Variants in SLC3A2 observed in about 807,000 individuals in gnomAD.
SLC3A2 encodes amino acid transporter heavy chain SLC3A2.
Under a neutral mutation model 48.5 loss-of-function variants are expected in SLC3A2, and 32 were observed. The ratio of observed to expected loss-of-function variants is 0.66; its 90% CI spans 0.50 to 0.89. The LOEUF (loss-of-function observed/expected upper bound fraction) is 0.89. Among genes scored for constraint, SLC3A2 ranks in the 40% least tolerant of loss-of-function variants. SLC3A2 has a pLI of 0.00. For synonymous variants in SLC3A2, 277 were observed against 288.8 expected, an observed-to-expected ratio of 0.96 and a Z score of 0.41; for missense variants, 587 against 680.7, an observed-to-expected ratio of 0.86 and a Z score of 1.53.
At position 62,884,585 on chromosome 11, in the gene SLC3A2, A is replaced by T. The variant is rs142020500; in HGVS notation, c.760-47A>T. 6 of 1,613,190 alleles carry T rather than the reference A, an allele frequency of 3.7e-6. No homozygotes were observed. In the African/African-American group the frequency reaches 6.7e-5, roughly 18 times the overall value. ...GGCGAGAACAGAGGGACTCAGCTAG[A>T]GCCTCATAATATTCTCTGGTCCTTG... is the stretch of plus-strand genomic sequence containing the variant. On this transcript the variant is annotated intron_variant, in intron 4 of 8. Transcript: ENST00000338663.
intron 1 of SLC3A2, chr11:62,870,723 TTA>T: frequency 6.2e-6 from 1 of 160,692 alleles, no homozygotes; most frequent in South Asian, 1.5e-4. Flanking sequence ...ATTATTATTA[TTA>T]TTTTTTTTTT....
chr11:62,885,113 G>T, intron 5 of SLC3A2, 64 bp from the exon 6 acceptor site: 4 of 1,564,390 alleles, frequency 2.6e-6, no homozygotes, highest in Non-Finnish European at 2.6e-6. Flanking sequence ...TTACAGGCGT[G>T]AGCCACTGCG....
At chr11:62,876,954 A>G (rs1042647551), upstream of SLC3A2, 2 of 990,330 alleles carry the variant, frequency 2.0e-6, no homozygotes, top group South Asian at 4.4e-5. Context: ...TCCTGCAGCA[A>G]CAGGTTTATC....
chr11:62,856,193 C>T (rs1031477124), exon 1 of SLC3A2: 11 of 1,161,266 alleles, frequency 9.5e-6, no homozygotes, highest in African/African-American at 1.5e-5. Flanking sequence ...CTGACGGTCA[C>T]GACTGCCTAC....
At chr11:62,864,527 CGCGATCTCG>C (rs1248097075) in intron 1 of SLC3A2, among the ~76,000 whole-genome samples, 1 of 148,296 alleles carries the variant, frequency 6.7e-6, no homozygotes, top group African/African-American at 2.5e-5. Context: ...AGTGCAGTGG[CGCGATCTCG>C]GCTCACTGCA....
At chr11:62,879,817 C>T (rs1317504468), upstream of SLC3A2, among the ~76,000 whole-genome samples, 1 of 152,228 alleles carries the variant, frequency 6.6e-6, no homozygotes, top group Non-Finnish European at 1.5e-5. Flanking sequence ...GTGTTGATGT[C>T]CGGTAGTTCC....
upstream of SLC3A2, among the ~76,000 whole-genome samples, chr11:62,877,233 G>A (rs567803291): frequency 1.9e-4 from 29 of 151,830 alleles, no homozygotes; most frequent in Non-Finnish European, 4.0e-4. Flanking sequence ...GCTAATTTTT[G>A]TATTTTTAGT....
At position 62,885,321 on chromosome 11, in the gene SLC3A2, T is replaced by G. The variant is rs1387907872; in HGVS notation, c.963T>G (p.Tyr321Ter). 1 of 1,614,242 alleles carries G rather than the reference T, an allele frequency of 6.2e-7. No homozygotes were observed. Among genetic ancestry groups the G allele is most frequent in the Non-Finnish European group, 8.5e-7 (1 of 1,180,046 alleles). ...ATACAAAATCCCTAGTCACACAGTA[T>G]TTGAATGCCACTGGCAATCGCTGGT... ...GEHTKSLVTQ[Y>*]LNATGNRWCS... Residue 321 changes from tyrosine (Y) to a stop codon, truncating the protein, a stop_gained, in exon 6 of 9, where the codon TAT becomes TAG. Coordinates refer to ENST00000338663, the MANE Select transcript of SLC3A2 (RefSeq NM_001013251.3). LOFTEE classifies it high-confidence loss of function.
chr11:62,860,609 T>C (rs936436161), intron 1 of SLC3A2, among the ~76,000 whole-genome samples: 2 of 152,168 alleles, frequency 1.3e-5, no homozygotes, highest in Non-Finnish European at 2.9e-5. Context: ...CTTCCTCTTA[T>C]CTCAACTGCA....
Position 62,888,706 on chromosome 11 carries a change from A to G in SLC3A2, c.*13A>G, listed in dbSNP as rs764565542. On this transcript the variant is annotated 3_prime_UTR_variant, in exon 9 of 9. Coordinates refer to ENST00000338663, the MANE Select transcript of SLC3A2 (RefSeq NM_001013251.3). Reference sequence around the variant, plus strand: ...CTACGCGGCCTGACTTCAGCCTGACATGGACCCACTACCCTTCTCCTTTCC... The same window carrying G: ...CTACGCGGCCTGACTTCAGCCTGACGTGGACCCACTACCCTTCTCCTTTCC... 2.5e-6 allele frequency: 4 copies of G among 1,574,534 alleles called. No individual in the cohort carries two copies. Among genetic ancestry groups the G allele is most frequent in the Middle Eastern group, 1.7e-4 (1 of 5,838 alleles).
At position 62,888,217 on chromosome 11, in the gene SLC3A2, A is replaced by C. The variant is rs1449283762; in HGVS notation, c.1226A>C (p.Lys409Thr). 6.2e-7 allele frequency: 1 copy of C among 1,614,074 alleles called. No individual in the cohort carries two copies. Among genetic ancestry groups the C allele is most frequent in the Non-Finnish European group, 8.5e-7 (1 of 1,179,940 alleles). ...GCTGTAAGTGCCAACATGACTGTGA[A>C]GGTAAGAGTTCTAGATGGGTAGAAA... ...PGAVSANMTV[K>T]GQSEDPGSLL... Residue 409 changes from lysine to threonine, a missense_variant and splice_region_variant, in exon 8 of 9, where the codon AAG (lysine) becomes ACG (threonine). By Grantham distance (78) the Lys-to-Thr change is moderately conservative. Coordinates refer to ENST00000338663, the MANE Select transcript of SLC3A2 (RefSeq NM_001013251.3).
At chr11:62,856,461 C>A in intron 1 of SLC3A2, 2 of 1,249,804 alleles carry the variant, frequency 1.6e-6, no homozygotes, top group Non-Finnish European at 2.3e-6. Context: ...GACGTAAGTG[C>A]TTCACTGAAG....
At chr11:62,856,454 G>T (rs1409855065) in intron 1 of SLC3A2, 2 of 1,318,190 alleles carry the variant, frequency 1.5e-6, no homozygotes, top group African/African-American at 2.9e-5. Flanking sequence ...ATGTCAGGAC[G>T]TAAGTGCTTC....
At position 62,885,613 on chromosome 11, in the gene SLC3A2, T is replaced by G. The variant is rs200419697; in HGVS notation, c.1143+5T>G. 6.8e-6 allele frequency: 11 copies of G among 1,613,990 alleles called. No individual in the cohort carries two copies. In the East Asian group the frequency reaches 2.5e-4, roughly 36 times the overall value. ...GCAGCTGCCCTTCCTGGACAGGTAC[T>G]GCTTGCTGTCTTTCTGTCACAGGGA... On this transcript the variant is annotated splice_donor_5th_base_variant and intron_variant, in intron 7 of 8. Transcript: ENST00000338663.
chr11:62,875,325 T>G (rs1406300404), intron 1 of SLC3A2, among the ~76,000 whole-genome samples: 1 of 152,040 alleles, frequency 6.6e-6, no homozygotes, highest in Non-Finnish European at 1.5e-5. Context: ...GGCGAGTGGA[T>G]CACGAGATCA....
At chr11:62,866,626 C>T (rs2085455740) in intron 1 of SLC3A2, among the ~76,000 whole-genome samples, 1 of 152,120 alleles carries the variant, frequency 6.6e-6, no homozygotes, top group Non-Finnish European at 1.5e-5. Flanking sequence ...AAGCTCCTGA[C>T]CTCAGGTGAT....
chr11:62,860,134 G>A (rs1001142119), intron 1 of SLC3A2, among the ~76,000 whole-genome samples: 1 of 152,134 alleles, frequency 6.6e-6, no homozygotes, highest in Non-Finnish European at 1.5e-5. Flanking sequence ...ATAAGTTTAA[G>A]GAAAGGTGCT....
At chr11:62,858,315 G>C (rs1223801592) in intron 1 of SLC3A2, among the ~76,000 whole-genome samples, 5 of 152,214 alleles carry the variant, frequency 3.3e-5, no homozygotes, top group Non-Finnish European at 7.3e-5. Flanking sequence ...CACAGCTCCA[G>C]CTGATTGTTG....
intron 3 of SLC3A2, chr11:62,883,970 G>C: frequency 2.2e-6 from 1 of 456,508 alleles, no homozygotes; most frequent in South Asian, 1.5e-5. Flanking sequence ...AGCAGTTATT[G>C]TACTCACACC....
Sources: allele counts gnomAD v4.1 joint callset (sites outside exome capture counted in the v4.1 genomes callset), GRCh38; gene constraint gnomAD v4.1.1; transcripts MANE v1.5; gene names NCBI Gene and HGNC (gene_info 2026-07-23, HGNC 2026-07-21).